IFNAR2: variants seen among roughly 807,000 people sequenced by gnomAD.
IFNAR2 encodes the protein interferon alpha and beta receptor subunit 2.
In IFNAR2, 30 loss-of-function variants were observed where a neutral mutation model predicts 49.4. The ratio of observed to expected loss-of-function variants is 0.61; its 90% CI spans 0.45 to 0.82. The LOEUF is 0.82. Ranked by LOEUF, IFNAR2 falls within the 40% of genes least tolerant of loss-of-function variation. IFNAR2 has a pLI of 0.00. For missense variants in IFNAR2, 600 were observed against 622.7 expected (o/e 0.96, Z 0.39); for synonymous variants, 224 against 234.5 (o/e 0.96, Z 0.41).
intron 7 of IFNAR2, among the ~76,000 whole-genome samples, chr21:33,256,402 A>G (rs1339811232): frequency 1.3e-5 from 2 of 152,238 alleles, no homozygotes; most frequent in Non-Finnish European, 2.9e-5. Context: ...AAATAGGTTC[A>G]GATAACGTGG....
intron 7 of IFNAR2, among the ~76,000 whole-genome samples, chr21:33,256,631 A>C (rs1988223868): frequency 6.6e-6 from 1 of 152,192 alleles, no homozygotes; most frequent in Non-Finnish European, 1.5e-5. Flanking sequence ...AAGCCTTAAA[A>C]CTAATGGTTT....
intron 8 of IFNAR2, 109 bp from the exon 9 acceptor site, chr21:33,262,684 T>A: frequency 6.8e-7 from 1 of 1,463,758 alleles, no homozygotes; most frequent in Non-Finnish European, 9.6e-7. Flanking sequence ...TAGCTGGGAT[T>A]ACAAGCGTGC....
chr21:33,262,960 C>T lies in IFNAR2; in HGVS notation c.1008C>T (p.Gly336=), dbSNP rs765203945. The change falls in exon 9 of 9, where the codon GGC becomes GGT. Residue 336 remains glycine, a synonymous_variant. Coordinates refer to ENST00000342136, the MANE Select transcript of IFNAR2 (RefSeq NM_001289125.3). ...TEAAPRTSGG[G]YTMHGLTVRP... is the part of the protein sequence containing the mutation. ...CAGCGCCCAGGACAAGTGGCGGTGG[C>T]TATACCATGCATGGACTGACTGTCA... is the stretch of plus-strand genomic sequence containing the variant. 1.5e-5 allele frequency: 24 copies of T among 1,614,044 alleles called. No homozygotes were observed. The highest frequency in any genetic ancestry group is 1.9e-5 in the Non-Finnish European group (23 of 1,180,020).
chr21:33,263,139 A>C lies in IFNAR2; in HGVS notation c.1187A>C (p.Glu396Ala). Residue 396 changes from glutamate (E) to alanine (A), a missense_variant, in exon 9 of 9, where the codon GAG becomes GCG. Coordinates refer to ENST00000342136, the MANE Select transcript of IFNAR2 (RefSeq NM_001289125.3). ...TTGGAACTCTTGAGTGGGCCCTGTG[A>C]GAGGAGAAAGAGTCCACTCCAGGAC... The part of the protein sequence containing the change: ...QQLELLSGPC[E>A]RRKSPLQDPF... The C allele has an allele frequency of 6.2e-7, 1 of 1,614,192 alleles. No individual in the cohort carries two copies. The highest frequency in any genetic ancestry group is 8.5e-7 in the Non-Finnish European group (1 of 1,180,038).
At chr21:33,246,974 A>ACACCTTTGTAG in intron 5 of IFNAR2, 84 bp downstream of exon 5, 1 of 1,227,344 alleles carries the variant, frequency 8.1e-7, no homozygotes, top group Non-Finnish European at 1.2e-6. Context: ...GAGGTCTACA[A>ACACCTTTGTAG]AGGTGTTTTA....
intron 4 of IFNAR2, among the ~76,000 whole-genome samples, chr21:33,245,520 G>A (rs1018766238): frequency 2.6e-5 from 4 of 152,256 alleles, no homozygotes; most frequent in African/African-American, 7.2e-5. Context: ...GCCTGGCCTA[G>A]TCTGGGACAG....
At chr21:33,243,389 A>G (rs929320267) in intron 2 of IFNAR2, among the ~76,000 whole-genome samples, 3 of 152,118 alleles carry the variant, frequency 2.0e-5, no homozygotes, top group African/African-American at 4.8e-5. Flanking sequence ...GGCCCCAGAT[A>G]TATTTTTAAG....
At chr21:33,231,324 T>G (rs532838577) in intron 1 of IFNAR2, among the ~76,000 whole-genome samples, 1 of 152,230 alleles carries the variant, frequency 6.6e-6, no homozygotes, top group East Asian at 1.9e-4. Context: ...CTTGATCTGT[T>G]TGTCGCAGAA....
intron 3 of IFNAR2, 49 bp downstream of exon 3, chr21:33,243,763 GT>G: frequency 7.7e-7 from 1 of 1,300,278 alleles, no homozygotes; most frequent in Non-Finnish European, 1.1e-6. Context: ...GAGTGAAAGT[GT>G]TGGGGCAACC....
chr21:33,253,073 C>T (rs1055402215), intron 7 of IFNAR2, among the ~76,000 whole-genome samples: 3 of 152,120 alleles, frequency 2.0e-5, no homozygotes, highest in East Asian at 1.9e-4. Context: ...GAAATGGAAA[C>T]GCTTTTGTTT....
chr21:33,251,810 C>T, intron 6 of IFNAR2: 1 of 979,204 alleles, frequency 1.0e-6, no homozygotes, highest in African/African-American at 1.7e-5. Context: ...TGGCTGGGCA[C>T]AGTGGCTTAC....
At chr21:33,242,767 G>A (rs1186831195) in intron 2 of IFNAR2, among the ~76,000 whole-genome samples, 180 of 12,596 alleles carry the variant, frequency 0.014, 5 homozygotes, top group African/African-American at 0.11. Flanking sequence ...GCGTGTGTGT[G>A]TGTGTGTGTG....
chr21:33,239,857 G>A (rs1174060620), intron 1 of IFNAR2, among the ~76,000 whole-genome samples: 2 of 21,866 alleles, frequency 9.1e-5, no homozygotes, highest in Non-Finnish European at 1.7e-4. Flanking sequence ...TGAGCTACAG[G>A]TTCTATATTC....
rs1304889730 is a variant in IFNAR2 at position 33,230,534 on chromosome 21, A to G, written c.-84+318A>G. 6.4e-6 allele frequency: 3 copies of G among 470,846 alleles called. No homozygotes were observed. Among genetic ancestry groups the G allele is most frequent in the Middle Eastern group, 3.2e-4 (1 of 3,078 alleles). 29.2% of individuals were successfully genotyped at this position (470,846 alleles called of 1,614,324 possible). On this transcript the variant is annotated intron_variant, in intron 1 of 8. Transcript: ENST00000342136. The surrounding 1 kb of genome is among the most constrained non-coding windows in gnomAD (Gnocchi z 5.5). ...CCACCCCACCAAGGATGCCCAGGATACCGGGCATTTGCCACTGCAAGATGT... is the reference window on the plus strand; with the variant it reads ...CCACCCCACCAAGGATGCCCAGGATGCCGGGCATTTGCCACTGCAAGATGT...
intron 5 of IFNAR2, among the ~76,000 whole-genome samples, chr21:33,247,826 G>C (rs1254377292): frequency 6.6e-6 from 1 of 152,190 alleles, no homozygotes. Context: ...TAGGCTATGC[G>C]GGTGTGCACG....
intron 1 of IFNAR2, among the ~76,000 whole-genome samples, chr21:33,233,333 G>T (rs1986199191): frequency 6.6e-6 from 1 of 151,816 alleles, no homozygotes; most frequent in Non-Finnish European, 1.5e-5. Context: ...GACCACTGAA[G>T]TCCCAGATGT....
Position 33,229,954 on chromosome 21 carries a change from G to T in IFNAR2, c.-346G>T. The T allele has an allele frequency of 1.0e-6, 1 of 983,864 alleles. No individual in the cohort carries two copies. The highest frequency in any genetic ancestry group is 1.2e-6 in the Non-Finnish European group (1 of 829,436). 60.9% of individuals were successfully genotyped at this position (983,864 alleles called of 1,614,324 possible). A position where few individuals can be genotyped will look rare whatever the true frequency, so the allele number is the denominator to read the frequency against. ...CGCGCTTCCGTATCGCTCCTCGTAG[G>T]CCGGGGCTCGGCGCGCGCACCCGCA... On this transcript the variant is annotated 5_prime_UTR_variant, in exon 1 of 9. Coordinates refer to ENST00000342136, the MANE Select transcript of IFNAR2 (RefSeq NM_001289125.3).
intron 8 of IFNAR2, 103 bp from the exon 9 acceptor site, chr21:33,262,690 C>T (rs563143872): frequency 7.1e-5 from 105 of 1,477,532 alleles, no homozygotes; most frequent in Admixed American, 1.7e-4. Flanking sequence ...GGATTACAAG[C>T]GTGCATCCCT....
intron 4 of IFNAR2, 36 bp downstream of exon 4, chr21:33,245,110 A>G (rs1568884029): frequency 6.7e-7 from 1 of 1,502,942 alleles, no homozygotes; most frequent in African/African-American, 1.4e-5. Context: ...TGGTAAACAT[A>G]TTATTGTTCT....
Sources: allele counts gnomAD v4.1 joint callset (sites outside exome capture counted in the v4.1 genomes callset), GRCh38; gene constraint gnomAD v4.1.1; non-coding constraint Gnocchi (gnomAD v3.1); transcripts MANE v1.5; gene names NCBI Gene and HGNC (gene_info 2026-07-23, HGNC 2026-07-21).